Variants in MAP3K2 observed in about 807,000 individuals in gnomAD.
MAP3K2 encodes mitogen-activated protein kinase kinase kinase 2.
MAP3K2 carries 24 observed loss-of-function variants against 80.3 expected under a neutral mutation model. That is an observed-to-expected ratio of 0.30 (90% confidence interval 0.22 to 0.42). MAP3K2 has a LOEUF of 0.42. MAP3K2 is among the 10% of genes least tolerant of loss of function. The pLI is 1.00. For missense variants in MAP3K2, 608 were observed against 750.1 expected (o/e 0.81, Z 2.21); for synonymous variants, 244 against 253.7 (o/e 0.96, Z 0.36).
At chr2:127,338,556 C>T (rs949279901) in intron 3 of MAP3K2, among the ~76,000 whole-genome samples, 1 of 152,090 alleles carries the variant, frequency 6.6e-6, no homozygotes, top group Non-Finnish European at 1.5e-5. Flanking sequence ...CATTATTTAC[C>T]CTCCACTTAT....
Position 127,387,545 on chromosome 2 carries a change from G to A in MAP3K2, c.-159C>T. On this transcript the variant is annotated 5_prime_UTR_variant, in exon 1 of 17. Coordinates refer to ENST00000682094, the MANE Select transcript of MAP3K2 (RefSeq NM_001371910.2). The stretch of plus-strand genomic sequence containing the variant: ...CCGCCCCAGCGCGGCCTGTCACCGC[G>A]GCCCCAGGTCGGGGGCTGCCGCAGG... The A allele has an allele frequency of 1.0e-6, 1 of 984,894 alleles. No individual in the cohort carries two copies. The highest frequency in any genetic ancestry group is 1.2e-6 in the Non-Finnish European group (1 of 829,722). 61.0% of individuals were successfully genotyped at this position (984,894 alleles called of 1,614,324 possible). A position where few individuals can be genotyped will look rare whatever the true frequency, so the allele number is the denominator to read the frequency against.
chr2:127,340,993 C>T (rs533303007), intron 2 of MAP3K2, among the ~76,000 whole-genome samples: 15 of 151,296 alleles, frequency 9.9e-5, no homozygotes, highest in East Asian at 7.8e-4. Flanking sequence ...TTGGGGGGGA[C>T]GGGGGAAGCA....
At chr2:127,372,597 T>C (rs180862356) in intron 1 of MAP3K2, among the ~76,000 whole-genome samples, 39 of 152,288 alleles carry the variant, frequency 2.6e-4, no homozygotes, top group Non-Finnish European at 4.7e-4. Context: ...AAGGCAGTTA[T>C]ACAACCTCAA....
Position 127,322,349 on chromosome 2 carries a change from T to G in MAP3K2, c.839-97A>C. 2.6e-6 allele frequency: 2 copies of G among 755,490 alleles called. No homozygotes were observed. The highest frequency in any genetic ancestry group is 4.2e-6 in the Non-Finnish European group (2 of 475,576). The allele number at this position is 755,490 out of a possible 1,614,324, so 46.8% of individuals were successfully genotyped here. A position where few individuals can be genotyped will look rare whatever the true frequency, so the allele number is the denominator to read the frequency against. On this transcript the variant is annotated intron_variant, in intron 11 of 16. Coordinates refer to ENST00000682094, the MANE Select transcript of MAP3K2 (RefSeq NM_001371910.2). The surrounding 1 kb of genome is among the most constrained non-coding windows in gnomAD (Gnocchi z 4.2). Reference sequence around the variant, plus strand: ...TAATGTAGAGAATAGAAATTTGTCCTGTGACTAGGCTAAGAAACTCAAATA... The same window carrying G: ...TAATGTAGAGAATAGAAATTTGTCCGGTGACTAGGCTAAGAAACTCAAATA...
intron 1 of MAP3K2, among the ~76,000 whole-genome samples, chr2:127,361,907 G>A (rs549207251): frequency 1.3e-5 from 2 of 152,194 alleles, no homozygotes; most frequent in South Asian, 2.1e-4. Flanking sequence ...CTATATGACA[G>A]GTTTGCTTTA....
At chr2:127,381,202 A>C (rs1481869173) in intron 1 of MAP3K2, among the ~76,000 whole-genome samples, 1 of 152,170 alleles carries the variant, frequency 6.6e-6, no homozygotes, top group Non-Finnish European at 1.5e-5. Context: ...GGTAGGAATG[A>C]TCTTCTGACT....
intron 1 of MAP3K2, among the ~76,000 whole-genome samples, chr2:127,380,861 T>C (rs886417589): frequency 1.3e-5 from 2 of 152,164 alleles, no homozygotes; most frequent in African/African-American, 4.8e-5. Flanking sequence ...GAGGAAAGGT[T>C]TTTTAAGTTC....
In MAP3K2 at chr2:127,323,951, T is replaced by C; in HGVS notation, c.789A>G (p.Thr263=). The change falls in exon 11 of 17, where the codon ACA becomes ACG. Residue 263 remains threonine, a synonymous_variant. Transcript: ENST00000682094. ...PIFEKFGKGG[T]YPRRYHVSYH... ...ATGAAACATGATACCTTCTTGGATA[T>C]GTTCCTCCTTTTCCAAATTTCTCAA... The C allele has an allele frequency of 6.4e-7, 1 of 1,570,134 alleles. No homozygotes were observed. The highest frequency in any genetic ancestry group is 1.2e-5 in the South Asian group (1 of 85,130).
At chr2:127,324,717 G>A (rs540597763) in intron 9 of MAP3K2, among the ~76,000 whole-genome samples, 3 of 152,160 alleles carry the variant, frequency 2.0e-5, no homozygotes, top group African/African-American at 7.2e-5. Context: ...GACACAGACA[G>A]AAATTTCATA....
In MAP3K2 at chr2:127,302,075, T is replaced by A. The variant is rs1237393450; in HGVS notation, c.*5504A>T. 1 of 152,186 alleles carries A rather than the reference T, an allele frequency of 6.6e-6. No individual in the cohort carries two copies. Among genetic ancestry groups the A allele is most frequent in the East Asian group, 1.9e-4 (1 of 5,202 alleles). 9.4% of individuals were successfully genotyped at this position (152,186 alleles called of 1,614,324 possible). ...ATTTCCTTGTGAATACTTGGTAAGC[T>A]AAGGAAGCTTATTTTGATAATGTTT... On this transcript the variant is annotated 3_prime_UTR_variant, in exon 17 of 17. Transcript: ENST00000682094.
chr2:127,387,999 C>A, upstream of MAP3K2: 1 of 983,804 alleles, frequency 1.0e-6, no homozygotes, highest in Non-Finnish European at 1.2e-6. Flanking sequence ...CGGCGCACGT[C>A]ACGGCCGCTC....
intron 9 of MAP3K2, among the ~76,000 whole-genome samples, chr2:127,324,808 TC>T: frequency 6.6e-6 from 1 of 152,322 alleles, no homozygotes; most frequent in Middle Eastern, 3.4e-3. Flanking sequence ...ATAAAGCAAT[TC>T]CAGAGAGGAT....
chr2:127,374,418 T>G (rs1687116267), intron 1 of MAP3K2, among the ~76,000 whole-genome samples: 1 of 152,190 alleles, frequency 6.6e-6, no homozygotes, highest in South Asian at 2.1e-4. Flanking sequence ...CATCACTGCC[T>G]GACCAAGCCA....
chr2:127,388,164 C>A, upstream of MAP3K2: 2 of 984,986 alleles, frequency 2.0e-6, no homozygotes, highest in Non-Finnish European at 2.4e-6. Flanking sequence ...GATTCCCAGT[C>A]CTGGCTCCGC....
chr2:127,370,420 T>C (rs1410871984), intron 1 of MAP3K2, among the ~76,000 whole-genome samples: 2 of 152,178 alleles, frequency 1.3e-5, no homozygotes, highest in African/African-American at 2.4e-5. Context: ...AACAGAACCC[T>C]TGAAAATGAA....
At chr2:127,325,828 A>T in intron 8 of MAP3K2, 21 bp from the exon 9 acceptor site, 1 of 1,564,130 alleles carries the variant, frequency 6.4e-7, no homozygotes, top group Non-Finnish European at 8.8e-7. Context: ...AAGGAGTTCC[A>T]CCATGATTCA....
At chr2:127,378,516 CAT>C (rs1209988489) in intron 1 of MAP3K2, among the ~76,000 whole-genome samples, 6 of 152,100 alleles carry the variant, frequency 3.9e-5, no homozygotes, top group Non-Finnish European at 1.5e-5. Flanking sequence ...CAGTTTGTAA[CAT>C]AATTTTTTAT....
At chr2:127,377,634 T>C (rs545691214) in intron 1 of MAP3K2, among the ~76,000 whole-genome samples, 2 of 152,304 alleles carry the variant, frequency 1.3e-5, no homozygotes, top group East Asian at 1.9e-4. Context: ...AAATATGATA[T>C]ACCATAGTTA....
chr2:127,324,168 T>A lies in MAP3K2; in HGVS notation c.745+6A>T, dbSNP rs1401411810. On this transcript the variant is annotated splice_donor_region_variant and intron_variant, in intron 10 of 16. Transcript: ENST00000682094. ...ATTTAAACATTTAGAATTTATAAAGTCTAACCTGAAAATTCCTGATGATTA... is the reference window on the plus strand; with the variant it reads ...ATTTAAACATTTAGAATTTATAAAGACTAACCTGAAAATTCCTGATGATTA... 1.3e-6 allele frequency: 2 copies of A among 1,531,660 alleles called. No homozygotes were observed. Among genetic ancestry groups the A allele is most frequent in the African/African-American group, 2.8e-5 (2 of 72,206 alleles). The allele number at this position is 1,531,660 out of a possible 1,614,324, so 94.9% of individuals were successfully genotyped here. A position where few individuals can be genotyped will look rare whatever the true frequency, so the allele number is the denominator to read the frequency against.
Sources: gnomAD v4.1 joint callset for allele counts (sites outside exome capture counted in the v4.1 genomes callset) on GRCh38, gnomAD v4.1.1 for gene constraint, Gnocchi (gnomAD v3.1) non-coding constraint, MANE v1.5 for transcripts, NCBI Gene and HGNC (gene_info 2026-07-23, HGNC 2026-07-21) for gene names.